The following COBL variants were observed in gnomAD, a reference collection of about 807,000 sequenced individuals.
The protein encoded by COBL is protein cordon-bleu.
A neutral mutation model predicts 98.8 loss-of-function variants in COBL; 51 were observed. That is an observed-to-expected ratio of 0.52 (90% CI 0.41 to 0.65). The LOEUF is 0.65. COBL is among the 30% of genes least tolerant of loss of function. The pLI, the probability that COBL is intolerant of heterozygous loss-of-function variation, is 0.00. For missense variants in COBL, 1,617 were observed against 1,617.5 expected, an observed-to-expected ratio of 1.00 and a Z score of 0.01; for synonymous variants, 634 against 651.7, an observed-to-expected ratio of 0.97 and a Z score of 0.41.
rs374052909 is a variant in COBL, at chr7:51,241,040, T to C, written c.42-21096A>G. 2.4e-4 allele frequency among the ~76,000 whole-genome samples: 36 copies of C among 152,292 alleles called. No homozygotes were observed. In the East Asian group the frequency reaches 5.2e-3, roughly 22 times the overall value. On this transcript the variant is annotated intron_variant, in intron 1 of 12. Transcript: ENST00000265136. The stretch of plus-strand genomic sequence containing the variant: ...AGTGAGTGCTTTAAAGGCAGAGCTG[T>C]ATCTGATCCAGCCTTTCCCTGCCCC...
intron 2 of COBL, among the ~76,000 whole-genome samples, chr7:51,208,880 T>C (rs1458736905): frequency 6.6e-6 from 1 of 151,794 alleles, no homozygotes; most frequent in African/African-American, 2.4e-5. Context: ...CACCACTCCC[T>C]AATCTCAAGT....
chr7:51,265,773 A>T (rs1240308763), intron 1 of COBL, among the ~76,000 whole-genome samples: 1 of 152,162 alleles, frequency 6.6e-6, no homozygotes, highest in Non-Finnish European at 1.5e-5. Flanking sequence ...CTTCTATGAC[A>T]GGCTCAAAGT....
rs1307292626 is a variant in COBL, at chr7:51,043,593, G to A, written c.1196C>T (p.Ala399Val). Residue 399 changes from alanine to valine, a missense_variant, in exon 8 of 13, where the codon GCG becomes GTG. Coordinates refer to ENST00000265136, the MANE Select transcript of COBL (RefSeq NM_015198.5). ...EETVSVGSCF[A>V]SEDTTEDSGV... ...TGAGTCCTCGGTCGTGTCCTCCGAC[G>A]CAAAACAGCTGCCAACTGACACGGT... 2 of 1,614,042 alleles carry A rather than the reference G, an allele frequency of 1.2e-6. No homozygotes were observed. Among genetic ancestry groups the A allele is most frequent in the African/African-American group, 1.3e-5 (1 of 74,918 alleles).
In COBL at chr7:51,085,016, A is replaced by C. The variant is rs1794061515; in HGVS notation, c.1096+150T>G. On this transcript the variant is annotated intron_variant, in intron 7 of 12. Coordinates refer to ENST00000265136, the MANE Select transcript of COBL (RefSeq NM_015198.5). ...TAAGATATGAAGTGAACTTGCAATT[A>C]TTTCTTTCCAGCCCTTCTTTCTTTA... is the stretch of plus-strand genomic sequence containing the variant. 4.3e-6 allele frequency: 5 copies of C among 1,160,702 alleles called. No individual in the cohort carries two copies. In the East Asian group the frequency reaches 7.6e-5, roughly 18 times the overall value. The allele number at this position is 1,160,702 out of a possible 1,614,324, so 71.9% of individuals were successfully genotyped here.
chr7:51,229,905 C>T (rs376521661), intron 1 of COBL, among the ~76,000 whole-genome samples: 1 of 152,130 alleles, frequency 6.6e-6, no homozygotes, highest in Admixed American at 6.5e-5. Context: ...AGCAAGGGCC[C>T]GAAGGTCCCA....
At chr7:51,065,682 G>A (rs1300298335) in intron 7 of COBL, among the ~76,000 whole-genome samples, 1 of 152,248 alleles carries the variant, frequency 6.6e-6, no homozygotes, top group African/African-American at 2.4e-5. Flanking sequence ...TCCAGCCTCT[G>A]TCGTCATCAG....
intron 1 of COBL, among the ~76,000 whole-genome samples, chr7:51,224,077 G>C (rs1032022443): frequency 2.0e-4 from 31 of 152,162 alleles, no homozygotes; most frequent in Non-Finnish European, 4.4e-4. Context: ...GTTCAGCACA[G>C]TAACATGCCG....
intron 3 of COBL, among the ~76,000 whole-genome samples, chr7:51,192,443 A>C (rs1790206412): frequency 1.3e-5 from 2 of 152,076 alleles, no homozygotes. Context: ...CCTTGTCTCT[A>C]CTAAATACAC....
intron 7 of COBL, among the ~76,000 whole-genome samples, chr7:51,055,317 G>A (rs189067065): frequency 1.6e-4 from 24 of 152,256 alleles, no homozygotes; most frequent in Non-Finnish European, 3.1e-4. Context: ...CCCCTCAAGG[G>A]CTGCGGGAAA....
At chr7:51,101,795 T>C (rs1480618205) in intron 6 of COBL, among the ~76,000 whole-genome samples, 1 of 152,232 alleles carries the variant, frequency 6.6e-6, no homozygotes, top group Non-Finnish European at 1.5e-5. Context: ...TCCTGCCTGA[T>C]TTCCAAAGCA....
At chr7:51,222,539 T>G (rs552066570) in intron 1 of COBL, among the ~76,000 whole-genome samples, 4 of 152,254 alleles carry the variant, frequency 2.6e-5, no homozygotes, top group Admixed American at 2.6e-4. Context: ...GCCTGAAATT[T>G]TAACCACTAT....
At chr7:51,228,088 T>G (rs1260052552) in intron 1 of COBL, among the ~76,000 whole-genome samples, 1 of 152,094 alleles carries the variant, frequency 6.6e-6, no homozygotes, top group African/African-American at 2.4e-5. Context: ...CCCAGGACAC[T>G]CCACAGCTGT....
intron 7 of COBL, chr7:51,065,063 T>C: frequency 4.7e-6 from 3 of 641,246 alleles, no homozygotes; most frequent in Non-Finnish European, 5.6e-6. Flanking sequence ...AGGAGGAACA[T>C]TTAGAAGTCG....
chr7:51,159,114 GCT>G (rs907623915), intron 5 of COBL, among the ~76,000 whole-genome samples: 5 of 152,300 alleles, frequency 3.3e-5, no homozygotes, highest in Non-Finnish European at 7.4e-5. Context: ...GGCGTTGCAG[GCT>G]CTCTGCAGCC....
chr7:51,170,310 T>C (rs1787727278), intron 5 of COBL, among the ~76,000 whole-genome samples: 1 of 152,030 alleles, frequency 6.6e-6, no homozygotes, highest in Non-Finnish European at 1.5e-5. Context: ...CAATTAGCTC[T>C]ACATGTTCTA....
At chr7:51,017,886 C>A (rs536687185) in intron 12 of COBL, among the ~76,000 whole-genome samples, 3 of 152,344 alleles carry the variant, frequency 2.0e-5, no homozygotes, top group Non-Finnish European at 2.9e-5. Context: ...TGTGTGGGTA[C>A]GCATCTGAGG....
intron 1 of COBL, among the ~76,000 whole-genome samples, chr7:51,282,693 C>T (rs1799915153): frequency 2.0e-5 from 3 of 152,032 alleles, no homozygotes; most frequent in Admixed American, 1.3e-4. Flanking sequence ...AATCAACCAA[C>T]TTGATTTAAT....
chr7:51,265,927 G>A (rs1023990125), intron 1 of COBL, among the ~76,000 whole-genome samples: 6 of 152,070 alleles, frequency 3.9e-5, no homozygotes, highest in Non-Finnish European at 8.8e-5. Context: ...ATGTGATCCA[G>A]TGGATCGATG....
intron 3 of COBL, among the ~76,000 whole-genome samples, chr7:51,191,746 T>C (rs1288891740): frequency 1.3e-5 from 2 of 152,180 alleles, no homozygotes; most frequent in African/African-American, 4.8e-5. Flanking sequence ...ATGCTAATTC[T>C]AAATGACTGC....
Sources: gnomAD v4.1 joint callset for allele counts (sites outside exome capture counted in the v4.1 genomes callset) on GRCh38, gnomAD v4.1.1 for gene constraint, MANE v1.5 for transcripts, NCBI Gene and HGNC (gene_info 2026-07-23, HGNC 2026-07-21) for gene names.